TES: variants seen among roughly 807,000 people sequenced by gnomAD.
TES encodes the protein testin LIM domain protein.
A neutral mutation model predicts 48.2 loss-of-function variants in TES; 41 were observed. The ratio of observed to expected loss-of-function variants is 0.85; its 90% confidence interval spans 0.66 to 1.10. The LOEUF is 1.10. TES is among the 50% of genes least tolerant of loss of function. The pLI is 0.00. For synonymous variants in TES, 162 were observed against 174.9 expected, an observed-to-expected ratio of 0.93 and a Z score of 0.58; for missense variants, 463 against 515.1, an observed-to-expected ratio of 0.90 and a Z score of 0.98.
intron 3 of TES, 105 bp downstream of exon 3, chr7:116,249,377 A>G: frequency 2.3e-6 from 3 of 1,327,956 alleles, no homozygotes; most frequent in Non-Finnish European, 2.1e-6. Context: ...CAGATCTGTT[A>G]TTCTTCCGGG....
intron 1 of TES, among the ~76,000 whole-genome samples, chr7:116,233,746 A>G (rs1233317851): frequency 6.6e-6 from 1 of 152,150 alleles, no homozygotes; most frequent in Non-Finnish European, 1.5e-5. Flanking sequence ...TTATTTGTCA[A>G]GTTCTGGAGG....
Position 116,257,850 on chromosome 7 carries a change from T to A in TES, c.*368T>A, listed in dbSNP as rs994470386. On this transcript the variant is annotated 3_prime_UTR_variant, in exon 7 of 7. Transcript: ENST00000358204. The stretch of plus-strand genomic sequence containing the variant: ...GCATTCCTAGTTCTACACTTCTTTT[T>A]TCCCCCTCATGTGTAAAATGAAAAG... 2 of 158,644 alleles carry A rather than the reference T, an allele frequency of 1.3e-5. No individual in the cohort carries two copies. The highest frequency in any genetic ancestry group is 4.8e-5 in the African/African-American group (2 of 41,362). 9.8% of individuals were successfully genotyped at this position (158,644 alleles called of 1,614,324 possible). A position where few individuals can be genotyped will look rare whatever the true frequency, so the allele number is the denominator to read the frequency against.
chr7:116,233,531 T>G (rs1344272138), intron 1 of TES, among the ~76,000 whole-genome samples: 2 of 152,234 alleles, frequency 1.3e-5, no homozygotes, highest in Non-Finnish European at 2.9e-5. Context: ...ATTTTGATCT[T>G]AAGCAAGTTT....
chr7:116,247,212 GA>G (rs1158841638), intron 2 of TES, among the ~76,000 whole-genome samples: 3 of 151,708 alleles, frequency 2.0e-5, no homozygotes, highest in African/African-American at 7.3e-5. Flanking sequence ...AAGAAATTGA[GA>G]AAAAAATGAG....
rs1323675568 is a variant in TES at position 116,220,465 on chromosome 7, T to C, written c.27+9731T>C. On this transcript the variant is annotated intron_variant, in intron 1 of 6. Transcript: ENST00000358204. The stretch of plus-strand genomic sequence containing the variant: ...ATAGATTTGGATCCCACCTTTGATA[T>C]TTACTCAGTAATTTGGCAACAGTTG... 3.9e-5 allele frequency among the ~76,000 whole-genome samples: 6 copies of C among 152,304 alleles called. No homozygotes were observed. The South Asian group carries it at 1.0e-3, about 26-fold the overall frequency.
At chr7:116,226,438 G>GC (rs200457075) in intron 1 of TES, among the ~76,000 whole-genome samples, 1,594 of 152,282 alleles carry the variant, frequency 0.01, 12 homozygotes, top group Non-Finnish European at 0.016. Flanking sequence ...AAGAAGAGGA[G>GC]CAGAGGTTCA....
intron 6 of TES, among the ~76,000 whole-genome samples, chr7:116,254,749 T>A (rs1016931474): frequency 8.6e-4 from 90 of 104,276 alleles, no homozygotes; most frequent in Admixed American, 2.2e-3. Flanking sequence ...TCAAAAAAAA[T>A]ATATATATAT....
intron 1 of TES, among the ~76,000 whole-genome samples, chr7:116,226,445 T>C (rs1799622355): frequency 6.6e-6 from 1 of 151,434 alleles, no homozygotes; most frequent in Non-Finnish European, 1.5e-5. Context: ...GGAGCAGAGG[T>C]TCAAGCAAAG....
At chr7:116,216,521 G>A (rs918902826) in intron 1 of TES, among the ~76,000 whole-genome samples, 9 of 151,976 alleles carry the variant, frequency 5.9e-5, no homozygotes, top group South Asian at 2.1e-4. Flanking sequence ...CTCTTTGATC[G>A]TGGGAAATAA....
Position 116,210,739 on chromosome 7 carries a change from G to T in TES, c.27+5G>T. ...CTGGAAAACAAAGTGAAGAAGGTAG[G>T]GGGGCGCTCGTGGCGGGCGGCGGCT... On this transcript the variant is annotated splice_donor_5th_base_variant and intron_variant, in intron 1 of 6. Transcript: ENST00000358204. 4 of 1,244,482 alleles carry T rather than the reference G, an allele frequency of 3.2e-6. No homozygotes were observed. Among genetic ancestry groups the T allele is most frequent in the South Asian group, 7.8e-5 (2 of 25,586 alleles). The allele number at this position is 1,244,482 out of a possible 1,614,324, so 77.1% of individuals were successfully genotyped here.
At chr7:116,242,856 T>C (rs1400777411) in intron 2 of TES, among the ~76,000 whole-genome samples, 1 of 152,198 alleles carries the variant, frequency 6.6e-6, no homozygotes, top group Admixed American at 6.5e-5. Context: ...CTTGTAACTT[T>C]TCACACTGCT....
chr7:116,254,736 G>T (rs1265674131), intron 6 of TES, among the ~76,000 whole-genome samples: 1 of 120,312 alleles, frequency 8.3e-6, no homozygotes, highest in South Asian at 2.9e-4. Flanking sequence ...GCGACACTCC[G>T]TCTCAAAAAA....
intron 1 of TES, among the ~76,000 whole-genome samples, chr7:116,213,104 C>G (rs1240884331): frequency 1.3e-5 from 2 of 152,178 alleles, no homozygotes; most frequent in Admixed American, 1.3e-4. Flanking sequence ...GAATGTATTT[C>G]ACAATCTTAG....
intron 2 of TES, among the ~76,000 whole-genome samples, chr7:116,239,951 AATT>A (rs1333898567): frequency 6.6e-6 from 1 of 152,226 alleles, no homozygotes; most frequent in Non-Finnish European, 1.5e-5. Flanking sequence ...TAAGTAACAG[AATT>A]ATTGTTTTGC....
At chr7:116,245,043 T>TCCC (rs1799902292) in intron 2 of TES, among the ~76,000 whole-genome samples, 1 of 152,096 alleles carries the variant, frequency 6.6e-6, no homozygotes, top group Non-Finnish European at 1.5e-5. Context: ...ACAGCATTTT[T>TCCC]CCCTCCTAGG....
chr7:116,235,910 A>G (rs1799764833), intron 2 of TES, among the ~76,000 whole-genome samples: 1 of 152,216 alleles, frequency 6.6e-6, no homozygotes, highest in Admixed American at 6.5e-5. Flanking sequence ...TTCAGAAACA[A>G]AGATAATTGT....
At chr7:116,214,801 T>G (rs1376182223) in intron 1 of TES, among the ~76,000 whole-genome samples, 1 of 152,100 alleles carries the variant, frequency 6.6e-6, no homozygotes, top group Non-Finnish European at 1.5e-5. Context: ...CCATACTCCA[T>G]CTACAGTTCT....
chr7:116,215,534 T>C (rs1369345322), intron 1 of TES, among the ~76,000 whole-genome samples: 1 of 152,192 alleles, frequency 6.6e-6, no homozygotes, highest in Non-Finnish European at 1.5e-5. Context: ...GGGAAACTTC[T>C]ACAGTCAAAG....
chr7:116,229,822 A>G (rs1303960720), intron 1 of TES, among the ~76,000 whole-genome samples: 6 of 152,232 alleles, frequency 3.9e-5, no homozygotes, highest in Admixed American at 3.3e-4. Flanking sequence ...AACTAGGCAC[A>G]TCCTAAACAA....
Sources: gnomAD v4.1 joint callset for allele counts (sites outside exome capture counted in the v4.1 genomes callset) on GRCh38, gnomAD v4.1.1 for gene constraint, MANE v1.5 for transcripts, NCBI Gene and HGNC (gene_info 2026-07-23, HGNC 2026-07-21) for gene names.